The following HDAC11 variants were observed in gnomAD, a reference collection of about 807,000 sequenced individuals.
HDAC11 encodes the protein histone deacetylase 11.
In HDAC11, 23 loss-of-function variants were observed where a neutral mutation model predicts 41.1. The ratio of observed to expected loss-of-function variants is 0.56; its 90% CI spans 0.40 to 0.79. The LOEUF is 0.79. HDAC11 is among the 30% of genes least tolerant of loss of function. HDAC11 has a pLI of 0.00. For synonymous variants in HDAC11, 187 were observed against 186.6 expected (o/e 1.00, Z -0.02); for missense variants, 402 against 477.3 (o/e 0.84, Z 1.47).
At chr3:13,493,112 C>T (rs192757381) in intron 3 of HDAC11, among the ~76,000 whole-genome samples, 4 of 152,300 alleles carry the variant, frequency 2.6e-5, no homozygotes, top group East Asian at 1.9e-4. Flanking sequence ...GCAGTCCCAC[C>T]GTGGCATGCT....
intron 3 of HDAC11, chr3:13,496,460 G>A: frequency 3.1e-6 from 1 of 323,378 alleles, no homozygotes; most frequent in East Asian, 8.0e-5. Context: ...GGGCACAAGA[G>A]GGCAGCCAAG....
At chr3:13,503,225 GAAAAA>G in intron 8 of HDAC11, 1 of 321,564 alleles carries the variant, frequency 3.1e-6, no homozygotes. Flanking sequence ...AAGAATGAAA[GAAAAA>G]AAAGAAAAAT....
At chr3:13,484,969 G>T (rs150174396) in intron 3 of HDAC11, among the ~76,000 whole-genome samples, 270 of 152,292 alleles carry the variant, frequency 1.8e-3, no homozygotes, top group African/African-American at 6.1e-3. Flanking sequence ...GAGTGTGGGA[G>T]CCCTGACCCC....
chr3:13,490,573 C>T (rs1049088847), intron 3 of HDAC11, among the ~76,000 whole-genome samples: 1 of 151,818 alleles, frequency 6.6e-6, no homozygotes, highest in Admixed American at 6.6e-5. Flanking sequence ...AAATCTATTC[C>T]CATGCATTTT....
chr3:13,481,438 C>T lies in HDAC11; in HGVS notation c.151+44C>T, dbSNP rs753542914. 3 of 1,604,394 alleles carry T rather than the reference C, an allele frequency of 1.9e-6. No homozygotes were observed. The South Asian group carries it at 3.3e-5, about 18-fold the overall frequency. On this transcript the variant is annotated intron_variant, in intron 2 of 9. Transcript: ENST00000295757. ...GGACTCTCATCTGCTTCCTCCAACC[C>T]ACCTGTCCTCTCCGTCCTCATCCCC...
rs564546513 is a variant in HDAC11, at chr3:13,482,508, C to T, written c.152-956C>T. ...CATCAGAAGGTGGAGGGAGGCCGGGCGCAGTGGCTCGTGCCTGTAATCCCA... is the reference window on the plus strand; with the variant it reads ...CATCAGAAGGTGGAGGGAGGCCGGGTGCAGTGGCTCGTGCCTGTAATCCCA... On this transcript the variant is annotated intron_variant, in intron 2 of 9. Coordinates refer to ENST00000295757, the MANE Select transcript of HDAC11 (RefSeq NM_024827.4). Among the ~76,000 whole-genome samples the T allele has an allele frequency of 4.1e-4, 63 of 152,206 alleles. 1 individual carries two copies. The South Asian group carries it at 0.012, about 30-fold the overall frequency.
intron 2 of HDAC11, among the ~76,000 whole-genome samples, chr3:13,482,180 G>A (rs1361139524): frequency 6.6e-6 from 1 of 152,190 alleles, no homozygotes; most frequent in South Asian, 2.1e-4. Flanking sequence ...TGAGCAAAAT[G>A]ATGCTTCGAA....
chr3:13,491,875 T>A (rs1195730570), intron 3 of HDAC11, among the ~76,000 whole-genome samples: 1 of 152,236 alleles, frequency 6.6e-6, no homozygotes, highest in East Asian at 1.9e-4. Context: ...GAATGGTGGC[T>A]CTTAAACCCC....
intron 3 of HDAC11, among the ~76,000 whole-genome samples, chr3:13,492,704 C>T (rs1475886115): frequency 6.6e-5 from 10 of 152,232 alleles, no homozygotes; most frequent in East Asian, 1.9e-4. Context: ...CCACCATGCC[C>T]GGCTAATTTT....
Position 13,504,286 on chromosome 3 carries a change from C to G in HDAC11, c.828+14C>G, listed in dbSNP as rs199808570. 61 of 1,611,998 alleles carry G rather than the reference C, an allele frequency of 3.8e-5. No individual in the cohort carries two copies. The African/African-American group carries it at 4.3e-4, about 11-fold the overall frequency. ...ATCAGCCCAGCGGTACGTCCTGACC[C>G]TTGGGGCCACGGGAGGGTCTGCTCT... is the stretch of plus-strand genomic sequence containing the variant. On this transcript the variant is annotated intron_variant, in intron 9 of 9. Transcript: ENST00000295757.
In HDAC11 at chr3:13,500,143, G is replaced by A. The variant is rs1368287917; in HGVS notation, c.413-570G>A. ...GGCCAGCTGCACACTGTCTGACGGAGCAGTTGTTGGGCTCAATTTCAGAGG... is the reference window on the plus strand; with the variant it reads ...GGCCAGCTGCACACTGTCTGACGGAACAGTTGTTGGGCTCAATTTCAGAGG... On this transcript the variant is annotated intron_variant, in intron 5 of 9. Coordinates refer to ENST00000295757, the MANE Select transcript of HDAC11 (RefSeq NM_024827.4). Among the ~76,000 whole-genome samples the A allele has an allele frequency of 2.6e-5, 4 of 152,106 alleles. No homozygotes were observed. In the East Asian group the frequency reaches 5.8e-4, roughly 22 times the overall value.
In HDAC11 at chr3:13,480,811, C is replaced by T; in HGVS notation, c.3-435C>T. 1 of 415,546 alleles carries T rather than the reference C, an allele frequency of 2.4e-6. No homozygotes were observed. 25.7% of individuals were successfully genotyped at this position (415,546 alleles called of 1,614,324 possible). On this transcript the variant is annotated intron_variant, in intron 1 of 9. Transcript: ENST00000295757. This position sits in a 1 kb window ranked among gnomAD's most constrained non-coding sequence, Gnocchi z 4.6. ...CTTGGGTTTCTGAGTGCTTACTGTG[C>T]TCAGCTCCTCAGTTGCATTCTCTGA...
In HDAC11 at chr3:13,498,534, C is replaced by T. The variant is rs1461737468; in HGVS notation, c.391C>T (p.Arg131Ter). The T allele has an allele frequency of 3.7e-6, 6 of 1,613,282 alleles. No homozygotes were observed. In the Admixed American group the frequency reaches 5.0e-5, roughly 13 times the overall value. ...AAAGGCGGGGAAGCTGGCTGTGGAG[C>T]GAGGCTGGGCCATCAACGTGGGTGA... ...TIMAGKLAVE[R>*]GWAINVGGGF... Residue 131 changes from arginine to a stop codon, truncating the protein, a stop_gained, in exon 5 of 10, where the codon CGA (arginine) becomes TGA (stop). Transcript: ENST00000295757. LOFTEE classifies it high-confidence loss of function.
In HDAC11 at chr3:13,496,870, G is replaced by T. The variant is rs191161439; in HGVS notation, c.369+18G>T. On this transcript the variant is annotated intron_variant, in intron 4 of 9. Transcript: ENST00000295757. ...CCATAATGGTAGGTGGGGTGGGGGGGCATGGCTGGGCTGGGGGCCCCCACA... is the reference window on the plus strand; with the variant it reads ...CCATAATGGTAGGTGGGGTGGGGGGTCATGGCTGGGCTGGGGGCCCCCACA... The T allele has an allele frequency of 7.2e-7, 1 of 1,384,966 alleles. No individual in the cohort carries two copies. The highest frequency in any genetic ancestry group is 1.3e-5 in the South Asian group (1 of 79,552). The allele number at this position is 1,384,966 out of a possible 1,614,324, so 85.8% of individuals were successfully genotyped here.
At chr3:13,497,504 A>G (rs1370695596) in intron 4 of HDAC11, among the ~76,000 whole-genome samples, 1 of 152,156 alleles carries the variant, frequency 6.6e-6, no homozygotes, top group East Asian at 1.9e-4. Context: ...ATTAAGATGG[A>G]GAACTGATCC....
intron 3 of HDAC11, among the ~76,000 whole-genome samples, chr3:13,484,027 G>A (rs998368310): frequency 6.6e-6 from 1 of 152,158 alleles, no homozygotes; most frequent in South Asian, 2.1e-4. Context: ...ATGTGATCTC[G>A]GCTCATTGCA....
At position 13,498,523 on chromosome 3, in the gene HDAC11, T is replaced by A; in HGVS notation, c.380T>A (p.Leu127Gln). ...QTGGTIMAGK[L>Q]AVERGWAINV... ...TGCTTGTCTCCAAAGGCGGGGAAGC[T>A]GGCTGTGGAGCGAGGCTGGGCCATC... The change falls in exon 5 of 10, where the codon CTG (leucine) becomes CAG (glutamine). Residue 127 changes from leucine (L) to glutamine (Q), a missense_variant. Coordinates refer to ENST00000295757, the MANE Select transcript of HDAC11 (RefSeq NM_024827.4). The A allele has an allele frequency of 6.2e-7, 1 of 1,610,838 alleles. No individual in the cohort carries two copies. The highest frequency in any genetic ancestry group is 8.5e-7 in the Non-Finnish European group (1 of 1,178,454).
chr3:13,499,774 C>T (rs1226228060), intron 5 of HDAC11, among the ~76,000 whole-genome samples: 2 of 152,158 alleles, frequency 1.3e-5, no homozygotes, highest in Non-Finnish European at 2.9e-5. Flanking sequence ...CTGTGCCCTG[C>T]GTGTCTACAG....
At chr3:13,498,641 C>G in intron 5 of HDAC11, 86 bp downstream of exon 5, 1 of 1,318,416 alleles carries the variant, frequency 7.6e-7, no homozygotes, top group Non-Finnish European at 1.1e-6. Context: ...CGGGAGGATC[C>G]TGGAGGTGGC....
Sources: allele counts gnomAD v4.1 joint callset (sites outside exome capture counted in the v4.1 genomes callset), GRCh38; gene constraint gnomAD v4.1.1; non-coding constraint Gnocchi (gnomAD v3.1); transcripts MANE v1.5; gene names NCBI Gene and HGNC (gene_info 2026-07-23, HGNC 2026-07-21).